TBC1D32: variants seen among roughly 807,000 people sequenced by gnomAD.
TBC1D32 encodes TBC1 domain family member 32, also known as protein broad-minded.
A neutral mutation model predicts 170.3 loss-of-function variants in TBC1D32; 151 were observed. The ratio of observed to expected loss-of-function variants is 0.89; its 90% CI spans 0.78 to 1.01. TBC1D32 has a LOEUF of 1.01. Ranked by LOEUF, TBC1D32 falls within the 50% of genes least tolerant of loss-of-function variation. TBC1D32 has a pLI of 0.00. For missense variants in TBC1D32, 1,464 were observed against 1,457.1 expected (o/e 1.00, Z -0.08); for synonymous variants, 498 against 488.0 (o/e 1.02, Z -0.27).
At chr6:121,186,083 C>T (rs976844152) in intron 22 of TBC1D32, among the ~76,000 whole-genome samples, 51 of 152,070 alleles carry the variant, frequency 3.4e-4, no homozygotes, top group African/African-American at 6.8e-4. Flanking sequence ...CTTTGTGAAG[C>T]GTAGCGAGAA....
chr6:121,285,878 G>C (rs564674922), intron 12 of TBC1D32, among the ~76,000 whole-genome samples: 26 of 152,236 alleles, frequency 1.7e-4, no homozygotes, highest in African/African-American at 3.6e-4. Flanking sequence ...AGGCAAACAG[G>C]GTCTGGAGTG....
intron 3 of TBC1D32, among the ~76,000 whole-genome samples, chr6:121,313,757 G>A (rs1808565701): frequency 6.6e-6 from 1 of 152,082 alleles, no homozygotes; most frequent in Non-Finnish European, 1.5e-5. Context: ...AGTACAGGCT[G>A]GGATGTAGCT....
intron 10 of TBC1D32, among the ~76,000 whole-genome samples, 154 bp from the exon 11 acceptor site, chr6:121,294,814 C>CGGG (rs1399900741): frequency 6.6e-6 from 1 of 152,116 alleles, no homozygotes; most frequent in East Asian, 1.9e-4. Flanking sequence ...TCAGCCTCCT[C>CGGG]AATTACATTT....
chr6:121,211,247 C>T (rs1417466187), intron 21 of TBC1D32, among the ~76,000 whole-genome samples: 2 of 152,034 alleles, frequency 1.3e-5, no homozygotes, highest in African/African-American at 4.8e-5. Flanking sequence ...ATGCAAAGGG[C>T]AGGTGAGTAT....
At chr6:121,311,596 C>G (rs757281236) in intron 3 of TBC1D32, among the ~76,000 whole-genome samples, 41 of 151,938 alleles carry the variant, frequency 2.7e-4, no homozygotes, top group Non-Finnish European at 5.0e-4. Context: ...GGCATGGTGG[C>G]ACGTGCCCGT....
At chr6:121,114,305 C>A (rs1169079763) in intron 27 of TBC1D32, among the ~76,000 whole-genome samples, 1 of 152,176 alleles carries the variant, frequency 6.6e-6, no homozygotes, top group Non-Finnish European at 1.5e-5. Context: ...ATATCTTATA[C>A]TGTAATATAT....
chr6:121,225,881 C>T (rs1239235580), intron 20 of TBC1D32, among the ~76,000 whole-genome samples: 2 of 152,016 alleles, frequency 1.3e-5, no homozygotes, highest in Non-Finnish European at 2.9e-5. Flanking sequence ...CACAAACACA[C>T]ATTATAAGAT....
In TBC1D32 at chr6:121,248,203, T is replaced by C. The variant is rs187467598; in HGVS notation, c.2019-5864A>G. On this transcript the variant is annotated intron_variant, in intron 17 of 31. Coordinates refer to ENST00000398212, the MANE Select transcript of TBC1D32 (RefSeq NM_152730.6). ...ATACAAATACATGGAAATTAAACAA[T>C]CTTTTCTTGAATGATTTATAGTTTA... Among the ~76,000 whole-genome samples the C allele has an allele frequency of 4.2e-3, 631 of 152,034 alleles. 4 individuals are homozygous for C. Among genetic ancestry groups the C allele is most frequent in the African/African-American group, 0.014 (566 of 41,542 alleles).
chr6:121,173,226 C>G (rs1319140986), intron 22 of TBC1D32, among the ~76,000 whole-genome samples: 2 of 152,108 alleles, frequency 1.3e-5, no homozygotes, highest in Non-Finnish European at 2.9e-5. Context: ...ATCTTTCTCC[C>G]ATGCTGGATG....
rs1048254419 is a variant in TBC1D32 at position 121,150,883 on chromosome 6, T to G, written c.2773+9127A>C. 2.9e-4 allele frequency among the ~76,000 whole-genome samples: 20 copies of G among 69,256 alleles called. No individual in the cohort carries two copies. The East Asian group carries it at 0.012, about 43-fold the overall frequency. 45.4% of individuals were successfully genotyped at this position (69,256 alleles called of 152,430 possible). ...ATCATTTTTTATTGTGTCTATTTGA[T>G]TCTTCTCTTTTTTCTTCTTTAGTAG... is the stretch of plus-strand genomic sequence containing the variant. On this transcript the variant is annotated intron_variant, in intron 24 of 31. Coordinates refer to ENST00000398212, the MANE Select transcript of TBC1D32 (RefSeq NM_152730.6).
intron 22 of TBC1D32, among the ~76,000 whole-genome samples, chr6:121,182,079 G>C (rs565314942): frequency 6.6e-6 from 1 of 152,126 alleles, no homozygotes; most frequent in South Asian, 2.1e-4. Context: ...ACACTGTCTA[G>C]CAATATATGA....
In TBC1D32 at chr6:121,162,543, T is replaced by C. The variant is rs147111917; in HGVS notation, c.2571-1487A>G. On this transcript the variant is annotated intron_variant, in intron 22 of 31. Transcript: ENST00000398212. ...CTCCTATTAAACATAGTATTGGAAA[T>C]TCTAGCCAGGGCAATCATGCAAGAG... Among the ~76,000 whole-genome samples, 83 of 152,226 alleles carry C rather than the reference T, an allele frequency of 5.5e-4. 1 individual carries two copies. The East Asian group carries it at 0.012, about 22-fold the overall frequency.
At chr6:121,132,921 G>T (rs936189463) in intron 24 of TBC1D32, among the ~76,000 whole-genome samples, 2 of 151,856 alleles carry the variant, frequency 1.3e-5, no homozygotes, top group African/African-American at 4.8e-5. Flanking sequence ...AAAATTCAAA[G>T]GTGACGAAAG....
intron 20 of TBC1D32, among the ~76,000 whole-genome samples, chr6:121,238,556 T>C (rs539501334): frequency 1.1e-4 from 16 of 152,214 alleles, no homozygotes; most frequent in South Asian, 4.1e-4. Flanking sequence ...TTGGAGAATA[T>C]GTTAAATGTA....
intron 15 of TBC1D32, among the ~76,000 whole-genome samples, chr6:121,277,487 C>CAAAAAA (rs755504493): frequency 4.6e-4 from 13 of 28,136 alleles, no homozygotes; most frequent in South Asian, 2.0e-3. Flanking sequence ...GACTCCATCT[C>CAAAAAA]AAAAAAAAAA....
intron 19 of TBC1D32, among the ~76,000 whole-genome samples, chr6:121,240,357 AT>A (rs35946120): frequency 0.058 from 4,330 of 75,036 alleles, 101 homozygotes; most frequent in Non-Finnish European, 0.077. Context: ...GTTTAGGACA[AT>A]TTTTTTTTTT....
At chr6:121,160,680 A>G (rs753896779) in intron 23 of TBC1D32, among the ~76,000 whole-genome samples, 2 of 152,210 alleles carry the variant, frequency 1.3e-5, no homozygotes, top group Non-Finnish European at 2.9e-5. Flanking sequence ...AAAGGCGCAT[A>G]AGAAAAATAA....
chr6:121,295,291 A>G, intron 10 of TBC1D32, among the ~76,000 whole-genome samples: 1 of 116,604 alleles, frequency 8.6e-6, no homozygotes, highest in Non-Finnish European at 1.7e-5. Context: ...CCTAATTCCA[A>G]AAAAAAAAAA....
intron 29 of TBC1D32, among the ~76,000 whole-genome samples, chr6:121,108,104 G>A (rs898810910): frequency 2.6e-5 from 4 of 152,030 alleles, no homozygotes; most frequent in Non-Finnish European, 4.4e-5. Context: ...AGACTGCACA[G>A]TATGCAATCA....
Sources: allele counts gnomAD v4.1 joint callset (sites outside exome capture counted in the v4.1 genomes callset), GRCh38; gene constraint gnomAD v4.1.1; transcripts MANE v1.5; gene names NCBI Gene and HGNC (gene_info 2026-07-23, HGNC 2026-07-21).